Variants in ZNF660 observed in about 807,000 individuals in gnomAD.
ZNF660 encodes zinc finger protein 660.
Under a neutral mutation model 23.2 loss-of-function variants are expected in ZNF660, and 24 were observed. That is an observed-to-expected ratio of 1.04 (90% confidence interval 0.75 to 1.46). The LOEUF is 1.46. Ranked by LOEUF, ZNF660 falls within the 40% of genes most tolerant of loss-of-function variation. ZNF660 has a pLI of 0.00. For missense variants in ZNF660, 373 were observed against 396.8 expected (o/e 0.94, Z 0.51); for synonymous variants, 117 against 131.4 (o/e 0.89, Z 0.75).
intron 2 of ZNF660, among the ~76,000 whole-genome samples, chr3:44,587,452 C>T (rs535051841): frequency 1.1e-4 from 16 of 152,292 alleles, no homozygotes; most frequent in African/African-American, 3.1e-4. Context: ...TGCCTAGATA[C>T]CCCTAGTGTC....
At position 44,594,908 on chromosome 3, in the gene ZNF660, C is replaced by G; in HGVS notation, c.715C>G (p.Leu239Val). The G allele has an allele frequency of 6.2e-7, 1 of 1,613,870 alleles. No individual in the cohort carries two copies. Among genetic ancestry groups the G allele is most frequent in the Non-Finnish European group, 8.5e-7 (1 of 1,179,974 alleles). ...LRKTLNEHQR[L>V]HRREKPYKCN... is the part of the protein sequence containing the mutation. ...GAAAACTCTTAATGAACACCAGAGA[C>G]TTCATCGTAGAGAGAAACCTTACAA... Residue 239 changes from leucine to valine, a missense_variant, in exon 3 of 3, where the codon CTT (leucine) becomes GTT (valine). Physicochemically the swap from Leu to Val is conservative, Grantham distance 32. Transcript: ENST00000322734.
chr3:44,594,751 A>G lies in ZNF660; in HGVS notation c.558A>G (p.Gly186=). 1 of 1,613,912 alleles carries G rather than the reference A, an allele frequency of 6.2e-7. No individual in the cohort carries two copies. Among genetic ancestry groups the G allele is most frequent in the East Asian group, 2.2e-5 (1 of 44,832 alleles). The change falls in exon 3 of 3, where the codon GGA becomes GGG. Residue 186 remains glycine (G), a synonymous_variant. Coordinates refer to ENST00000322734, the MANE Select transcript of ZNF660 (RefSeq NM_173658.4). The part of the protein sequence containing the change: ...NLTQHQRMHR[G]KKVYKCKECG... ...CTCAACATCAGCGAATGCACAGAGG[A>G]AAAAAAGTTTACAAATGTAAGGAGT...
In ZNF660 at chr3:44,594,770, A is replaced by G; in HGVS notation, c.577A>G (p.Lys193Glu). The part of the protein sequence containing the change: ...MHRGKKVYKC[K>E]ECGKTCGSNT... ...CAGAGGAAAAAAAGTTTACAAATGTAAGGAGTGTGGGAAAACATGTGGTTC... is the reference window on the plus strand; with the variant it reads ...CAGAGGAAAAAAAGTTTACAAATGTGAGGAGTGTGGGAAAACATGTGGTTC... The change falls in exon 3 of 3, where the codon AAG becomes GAG. Residue 193 changes from lysine to glutamate, a missense_variant. Coordinates refer to ENST00000322734, the MANE Select transcript of ZNF660 (RefSeq NM_173658.4). 6.2e-7 allele frequency: 1 copy of G among 1,614,188 alleles called. No individual in the cohort carries two copies. The highest frequency in any genetic ancestry group is 1.6e-4 in the Middle Eastern group (1 of 6,062).
intron 2 of ZNF660, among the ~76,000 whole-genome samples, chr3:44,592,278 T>C (rs538152361): frequency 6.6e-6 from 1 of 152,362 alleles, no homozygotes; most frequent in South Asian, 2.1e-4. Flanking sequence ...TAAATATATA[T>C]ACTTTTTTAT....
intron 2 of ZNF660, among the ~76,000 whole-genome samples, chr3:44,590,473 A>G (rs1700380529): frequency 6.6e-6 from 1 of 152,142 alleles, no homozygotes; most frequent in Non-Finnish European, 1.5e-5. Context: ...CTGTTGGATC[A>G]GGGCCCACCC....
rs577460250 is a variant in ZNF660, at chr3:44,597,567, AGGCC to A, written c.*2379_*2382del. 1.2e-3 allele frequency: 184 copies of A among 152,322 alleles called. No homozygotes were observed. Among genetic ancestry groups the A allele is most frequent in the African/African-American group, 4.2e-3 (174 of 41,566 alleles). 9.4% of individuals were successfully genotyped at this position (152,322 alleles called of 1,614,324 possible). On this transcript the variant is annotated 3_prime_UTR_variant, in exon 3 of 3. Transcript: ENST00000322734. This position sits in a 1 kb window ranked among gnomAD's most constrained non-coding sequence, Gnocchi z 4.1. ...ATGGTCATTCCAAGCAGGGTTTGGAAGGCCTGGAACAGATTTGTAGCATTCATGG... is the reference window on the plus strand; with the variant it reads ...ATGGTCATTCCAAGCAGGGTTTGGAATGGAACAGATTTGTAGCATTCATGG...
Position 44,595,285 on chromosome 3 carries a change from A to G in ZNF660, c.*96A>G. On this transcript the variant is annotated 3_prime_UTR_variant, in exon 3 of 3. Transcript: ENST00000322734. ...ATTCTACTTCTAAGAATCATACTCT[A>G]CTTCTAAGAAAATAATTAGAAGTAG... 7.5e-7 allele frequency: 1 copy of G among 1,335,538 alleles called. No individual in the cohort carries two copies. The highest frequency in any genetic ancestry group is 1.0e-6 in the Non-Finnish European group (1 of 991,014). The allele number at this position is 1,335,538 out of a possible 1,614,324, so 82.7% of individuals were successfully genotyped here.
rs533448889 is a variant in ZNF660, at chr3:44,594,875, A to T, written c.682A>T (p.Ile228Phe). Residue 228 changes from isoleucine (I) to phenylalanine (F), a missense_variant, in exon 3 of 3, where the codon ATC becomes TTC. Transcript: ENST00000322734. ...ATGTGATGAGTGTGGAAAAACTTTC[A>T]TCTTAAGGAAAACTCTTAATGAACA... ...YECDECGKTF[I>F]LRKTLNEHQR... 6 of 1,614,168 alleles carry T rather than the reference A, an allele frequency of 3.7e-6. No individual in the cohort carries two copies. In the East Asian group the frequency reaches 1.3e-4, roughly 36 times the overall value.
At position 44,597,680 on chromosome 3, in the gene ZNF660, T is replaced by C. The variant is rs1025805758; in HGVS notation, c.*2491T>C. 6.6e-6 allele frequency: 1 copy of C among 152,262 alleles called. No homozygotes were observed. The highest frequency in any genetic ancestry group is 1.5e-5 in the Non-Finnish European group (1 of 68,046). 9.4% of individuals were successfully genotyped at this position (152,262 alleles called of 1,614,324 possible). ...GATATTCTCTGACCAAAACATTTTTTCACCACCATGTCATAGTGCCTAAAA... is the reference window on the plus strand; with the variant it reads ...GATATTCTCTGACCAAAACATTTTTCCACCACCATGTCATAGTGCCTAAAA... On this transcript the variant is annotated 3_prime_UTR_variant, in exon 3 of 3. Coordinates refer to ENST00000322734, the MANE Select transcript of ZNF660 (RefSeq NM_173658.4). This position sits in a 1 kb window ranked among gnomAD's most constrained non-coding sequence, Gnocchi z 4.1.
At position 44,595,478 on chromosome 3, in the gene ZNF660, T is replaced by G. The variant is rs1229094250; in HGVS notation, c.*289T>G. ...CAATTTAATGCCATGGGGAAATGATTGGATAAGACGGAAGATAATGACATA... is the reference window on the plus strand; with the variant it reads ...CAATTTAATGCCATGGGGAAATGATGGGATAAGACGGAAGATAATGACATA... On this transcript the variant is annotated 3_prime_UTR_variant, in exon 3 of 3. Transcript: ENST00000322734. The G allele has an allele frequency of 7.7e-6, 2 of 260,378 alleles. No homozygotes were observed. Among genetic ancestry groups the G allele is most frequent in the Non-Finnish European group, 1.6e-5 (2 of 128,536 alleles). 16.1% of individuals were successfully genotyped at this position (260,378 alleles called of 1,614,324 possible).
chr3:44,589,080 T>C lies in ZNF660; in HGVS notation c.-181+2867T>C, dbSNP rs1200848623. Reference sequence around the variant, plus strand: ...TTGGATTAGGGTCTTGCTATCTTATTCATTTGTTCATTCATTCAACAAACG... The same window carrying C: ...TTGGATTAGGGTCTTGCTATCTTATCCATTTGTTCATTCATTCAACAAACG... On this transcript the variant is annotated intron_variant, in intron 2 of 2. Transcript: ENST00000322734. Among the ~76,000 whole-genome samples, 9 of 152,328 alleles carry C rather than the reference T, an allele frequency of 5.9e-5. No homozygotes were observed. The East Asian group carries it at 1.7e-3, about 29-fold the overall frequency.
rs1412364827 is a variant in ZNF660 at position 44,599,539 on chromosome 3, C to T, written c.*4350C>T. The T allele has an allele frequency of 6.6e-6, 1 of 152,020 alleles. No homozygotes were observed. The highest frequency in any genetic ancestry group is 2.4e-5 in the African/African-American group (1 of 41,376). 9.4% of individuals were successfully genotyped at this position (152,020 alleles called of 1,614,324 possible). A position where few individuals can be genotyped will look rare whatever the true frequency, so the allele number is the denominator to read the frequency against. On this transcript the variant is annotated 3_prime_UTR_variant, in exon 3 of 3. Transcript: ENST00000322734. ...GACTTCCTTTCTTGATTGTTTTTTC[C>T]ATTTAATATAAAATTTAAAAGATGC...
chr3:44,590,523 C>G (rs1326855356), intron 2 of ZNF660, among the ~76,000 whole-genome samples: 1 of 152,124 alleles, frequency 6.6e-6, no homozygotes, highest in African/African-American at 2.4e-5. Context: ...CTTAGAGGCC[C>G]CATCTCCAAA....
At chr3:44,587,629 T>C (rs1429872681) in intron 2 of ZNF660, among the ~76,000 whole-genome samples, 2 of 152,236 alleles carry the variant, frequency 1.3e-5, no homozygotes, top group Non-Finnish European at 2.9e-5. Flanking sequence ...TTGGCCCTCT[T>C]TGATCTCCTG....
intron 1 of ZNF660, among the ~76,000 whole-genome samples, chr3:44,585,893 C>T (rs780903478): frequency 6.6e-6 from 1 of 152,174 alleles, no homozygotes; most frequent in Non-Finnish European, 1.5e-5. Context: ...CCTGAAGACA[C>T]AGAAGGCTTT....
At chr3:44,588,398 G>C (rs1177808763) in intron 2 of ZNF660, among the ~76,000 whole-genome samples, 1 of 152,068 alleles carries the variant, frequency 6.6e-6, no homozygotes, top group Non-Finnish European at 1.5e-5. Flanking sequence ...CTCCCAACAG[G>C]CCCACCTCCA....
rs1700533176 is a variant in ZNF660 at position 44,594,281 on chromosome 3, G to A, written c.88G>A (p.Asp30Asn). The A allele has an allele frequency of 1.9e-6, 3 of 1,613,898 alleles. No individual in the cohort carries two copies. The highest frequency in any genetic ancestry group is 1.3e-5 in the African/African-American group (1 of 74,920). The change falls in exon 3 of 3, where the codon GAC becomes AAC. Residue 30 changes from aspartate to asparagine, a missense_variant. By Grantham distance (23) the Asp-to-Asn change is conservative (BLOSUM62 1). Transcript: ENST00000322734. ...AGGGAGTGACCAAGAATCTGAAAAA[G>A]ACAATAGTCAGTGCTGTGACCCTGC... ...TEGSDQESEK[D>N]NSQCCDPATN...
chr3:44,588,322 C>G (rs1700297246), intron 2 of ZNF660, among the ~76,000 whole-genome samples: 1 of 152,046 alleles, frequency 6.6e-6, no homozygotes, highest in African/African-American at 2.4e-5. Context: ...CTCACTATCA[C>G]AAGGACAGAA....
chr3:44,588,326 G>C (rs1230641199), intron 2 of ZNF660, among the ~76,000 whole-genome samples: 1 of 151,970 alleles, frequency 6.6e-6, no homozygotes, highest in Non-Finnish European at 1.5e-5. Flanking sequence ...CTATCACAAG[G>C]ACAGAACCAA....
Sources: allele counts gnomAD v4.1 joint callset (sites outside exome capture counted in the v4.1 genomes callset), GRCh38; gene constraint gnomAD v4.1.1; non-coding constraint Gnocchi (gnomAD v3.1); transcripts MANE v1.5; gene names NCBI Gene and HGNC (gene_info 2026-07-23, HGNC 2026-07-21).